Variants in SCRG1 observed in about 807,000 individuals in gnomAD.
The protein encoded by SCRG1 is scrapie-responsive protein 1.
A neutral mutation model predicts 7.7 loss-of-function variants in SCRG1; 3 were observed. That is an observed-to-expected ratio of 0.39 (90% confidence interval 0.18 to 1.01). The LOEUF (loss-of-function observed/expected upper bound fraction) is 1.01. SCRG1 is among the 50% of genes least tolerant of loss of function. SCRG1 has a pLI of 0.36. For synonymous variants in SCRG1, 46 were observed against 41.2 expected (o/e 1.12, Z -0.44); for missense variants, 110 against 117.2 (o/e 0.94, Z 0.28).
chr4:173,418,674 T>A, the SCRG1 span, among the ~76,000 whole-genome samples: 3 of 152,090 alleles, frequency 2.0e-5, no homozygotes, highest in African/African-American at 7.2e-5. Flanking sequence ...CCCACCCAAA[T>A]CTCATGTCAA....
the SCRG1 span, among the ~76,000 whole-genome samples, chr4:173,490,293 T>C: frequency 3.3e-5 from 5 of 152,258 alleles, no homozygotes; most frequent in Non-Finnish European, 5.9e-5. Context: ...CCTATTCTTT[T>C]AAAAGCAACC....
intron 2 of SCRG1, among the ~76,000 whole-genome samples, chr4:173,390,444 T>C (rs1739394214): frequency 6.6e-6 from 1 of 151,674 alleles, no homozygotes; most frequent in South Asian, 2.1e-4. Context: ...ACTTGATCCA[T>C]TCACTGAGTT....
chr4:173,477,743 C>CTTCT, the SCRG1 span, among the ~76,000 whole-genome samples: 1 of 143,660 alleles, frequency 7.0e-6, no homozygotes, highest in Non-Finnish European at 1.5e-5. Context: ...TCCTTCCTTC[C>CTTCT]TTCCTTCCTT....
chr4:173,480,970 TTAGC>T, the SCRG1 span, among the ~76,000 whole-genome samples: 9 of 152,168 alleles, frequency 5.9e-5, no homozygotes, highest in Non-Finnish European at 1.2e-4. Context: ...GAAAAAAACC[TTAGC>T]TTTTATTAGT....
At chr4:173,394,222 G>A (rs576756481) in intron 1 of SCRG1, among the ~76,000 whole-genome samples, 1 of 151,576 alleles carries the variant, frequency 6.6e-6, no homozygotes, top group East Asian at 1.9e-4. Context: ...CTTCCTTTGT[G>A]TTTTGTTGGT....
chr4:173,483,124 A>C, the SCRG1 span, among the ~76,000 whole-genome samples: 1 of 113,544 alleles, frequency 8.8e-6, no homozygotes, highest in South Asian at 2.5e-4. Context: ...TTTATATATA[A>C]TGTATATTTT....
At chr4:173,480,184 A>G in the SCRG1 span, among the ~76,000 whole-genome samples, 2 of 152,254 alleles carry the variant, frequency 1.3e-5, no homozygotes, top group African/African-American at 4.8e-5. Flanking sequence ...AGTATTCTTC[A>G]AAATGTGTAA....
At chr4:173,425,259 A>G in the SCRG1 span, among the ~76,000 whole-genome samples, 1 of 152,182 alleles carries the variant, frequency 6.6e-6, no homozygotes, top group East Asian at 1.9e-4. Context: ...TTGCCTTTTT[A>G]ATTTGGGTTT....
At chr4:173,463,573 C>T in the SCRG1 span, among the ~76,000 whole-genome samples, 2 of 152,128 alleles carry the variant, frequency 1.3e-5, no homozygotes, top group Non-Finnish European at 2.9e-5. Context: ...TGGGTTCTCT[C>T]CAAAGAAAGG....
At chr4:173,467,751 T>A in the SCRG1 span, 1 of 152,164 alleles carries the variant, frequency 6.6e-6, no homozygotes, top group African/African-American at 2.4e-5. Flanking sequence ...TGTTCTGATG[T>A]CCCAATTATG....
chr4:173,396,348 A>G (rs1578964399), intron 1 of SCRG1, among the ~76,000 whole-genome samples: 1 of 152,216 alleles, frequency 6.6e-6, no homozygotes, highest in Admixed American at 6.5e-5. Flanking sequence ...ATCTATAGCT[A>G]TGGGTCTGGC....
the SCRG1 span, chr4:173,468,998 G>A: frequency 6.6e-6 from 1 of 152,214 alleles, no homozygotes; most frequent in Non-Finnish European, 1.5e-5. Context: ...AGTAGCCTGA[G>A]TAGAGGCTCT....
At chr4:173,509,435 G>C in the SCRG1 span, among the ~76,000 whole-genome samples, 1 of 152,188 alleles carries the variant, frequency 6.6e-6, no homozygotes, top group Non-Finnish European at 1.5e-5. This position sits in a 1 kb window ranked among gnomAD's most constrained non-coding sequence, Gnocchi z 5.7. Flanking sequence ...GCGCGGGGTC[G>C]AGACGGTGTC....
At chr4:173,456,235 A>C in the SCRG1 span, among the ~76,000 whole-genome samples, 1,079 of 152,304 alleles carry the variant, frequency 7.1e-3, 19 homozygotes, top group African/African-American at 0.024. Flanking sequence ...TTCGAATCTT[A>C]AGTAGAGTGT....
upstream of SCRG1, among the ~76,000 whole-genome samples, chr4:173,401,659 C>A (rs545012994): frequency 3.0e-4 from 45 of 152,168 alleles, no homozygotes; most frequent in Non-Finnish European, 5.7e-4. Flanking sequence ...CTTATGAATG[C>A]TGCCTGTAAG....
the SCRG1 span, among the ~76,000 whole-genome samples, chr4:173,465,562 A>G: frequency 6.6e-6 from 1 of 151,914 alleles, no homozygotes; most frequent in African/African-American, 2.4e-5. Flanking sequence ...CTGTGATATC[A>G]TTCCTATAAT....
the SCRG1 span, among the ~76,000 whole-genome samples, chr4:173,491,316 G>A: frequency 1.3e-5 from 2 of 150,800 alleles, no homozygotes; most frequent in African/African-American, 4.9e-5. Context: ...GGGCTGATGA[G>A]TCACTTCTCT....
At chr4:173,476,363 A>AAATATATATATATATATATAT in the SCRG1 span, among the ~76,000 whole-genome samples, 19 of 98,506 alleles carry the variant, frequency 1.9e-4, no homozygotes, top group African/African-American at 5.3e-4. Context: ...GGAAAAAAAA[A>AAATATATATATATATATATAT]ATATATATAT....
the SCRG1 span, among the ~76,000 whole-genome samples, chr4:173,440,933 G>A: frequency 5.3e-5 from 8 of 152,174 alleles, no homozygotes; most frequent in East Asian, 1.9e-4. Context: ...GACACCAGTC[G>A]TACTGAATTT....
Sources: allele counts gnomAD v4.1 joint callset (sites outside exome capture counted in the v4.1 genomes callset), GRCh38; gene constraint gnomAD v4.1.1; non-coding constraint Gnocchi (gnomAD v3.1); transcripts MANE v1.5; gene names NCBI Gene and HGNC (gene_info 2026-07-23, HGNC 2026-07-21).